ADAMTS16: variants seen among roughly 807,000 people sequenced by gnomAD.
ADAMTS16 encodes the protein ADAM metallopeptidase with thrombospondin type 1 motif 16.
In ADAMTS16, 94 loss-of-function variants were observed where a neutral mutation model predicts 145.8. That is an observed-to-expected ratio of 0.64 (90% CI 0.55 to 0.77). The LOEUF is 0.77. Ranked by LOEUF, ADAMTS16 falls within the 30% of genes least tolerant of loss-of-function variation. ADAMTS16 has a pLI of 0.00. For synonymous variants in ADAMTS16, 659 were observed against 604.3 expected (o/e 1.09, Z -1.33); for missense variants, 1,585 against 1,591.5 (o/e 1.00, Z 0.07).
Position 5,303,668 on chromosome 5 carries a change from T to A in ADAMTS16, c.3088T>A (p.Cys1030Ser). 6.2e-7 allele frequency: 1 copy of A among 1,613,926 alleles called. No homozygotes were observed. Among genetic ancestry groups the A allele is most frequent in the Non-Finnish European group, 8.5e-7 (1 of 1,180,030 alleles). The change falls in exon 20 of 23, where the codon TGC becomes AGC. Residue 1030 changes from cysteine to serine, a missense_variant. Cys to Ser is a moderately radical substitution (Grantham distance 112). Transcript: ENST00000274181. ...AGCGCAGCTGCTGCCCGACGCTGTC[T>A]GCACCTCCGAGCCCAAGCCCAGGAT... ...ARAQLLPDAVCTSEPKPRMHE... is the reference protein window; with the variant it reads ...ARAQLLPDAVSTSEPKPRMHE...
At chr5:5,229,139 A>T (rs906435440) in intron 11 of ADAMTS16, among the ~76,000 whole-genome samples, 3 of 151,772 alleles carry the variant, frequency 2.0e-5, no homozygotes, top group Middle Eastern at 3.4e-3. Context: ...TCTACTAAAA[A>T]TACAAAAAAT....
chr5:5,209,118 G>T lies in ADAMTS16; in HGVS notation c.1477G>T (p.Asp493Tyr), dbSNP rs538672467. Residue 493 changes from aspartate (D) to tyrosine (Y), a missense_variant, in exon 10 of 23, where the codon GAT (aspartate) becomes TAT (tyrosine). This residue lies in a region of ADAMTS16 where 298 missense variants were observed against 367.6 expected (regional missense o/e 0.81). Coordinates refer to ENST00000274181, the MANE Select transcript of ADAMTS16 (RefSeq NM_139056.4). ...LSTAQAICLA[D>Y]QPKPVKEYKY... The stretch of plus-strand genomic sequence containing the variant: ...CACCGCTCAAGCTATCTGCCTTGCT[G>T]ATCAGCCAAAGCCTGTGAAGGAATA... 6.2e-7 allele frequency: 1 copy of T among 1,613,744 alleles called. No individual in the cohort carries two copies. The highest frequency in any genetic ancestry group is 2.2e-5 in the East Asian group (1 of 44,866).
chr5:5,212,201 TTTGTTTTG>T (rs1736290954), intron 10 of ADAMTS16, among the ~76,000 whole-genome samples: 3 of 131,834 alleles, frequency 2.3e-5, no homozygotes, highest in East Asian at 3.1e-4. Context: ...TTTTTTTTGT[TTTGTTTTG>T]TTTTGTTTTT....
chr5:5,292,675 G>T (rs1164904170), intron 18 of ADAMTS16, among the ~76,000 whole-genome samples: 1 of 151,982 alleles, frequency 6.6e-6, no homozygotes, highest in Non-Finnish European at 1.5e-5. Flanking sequence ...ACCTGCCACT[G>T]CCTCCTCCAG....
chr5:5,269,163 C>T lies in ADAMTS16; in HGVS notation c.2789+6380C>T, dbSNP rs1048396997. Among the ~76,000 whole-genome samples the T allele has an allele frequency of 3.3e-5, 5 of 152,094 alleles. No individual in the cohort carries two copies. The highest frequency in any genetic ancestry group is 7.2e-5 in the African/African-American group (3 of 41,424). On this transcript the variant is annotated intron_variant, in intron 18 of 22. Transcript: ENST00000274181. This position sits in a 1 kb window ranked among gnomAD's most constrained non-coding sequence, Gnocchi z 4.3. Reference sequence around the variant, plus strand: ...CCTTCTGTCTCACTGCATGGCTGATCGTCCCACCGCTCACTGCCCAGGACC... The same window carrying T: ...CCTTCTGTCTCACTGCATGGCTGATTGTCCCACCGCTCACTGCCCAGGACC...
chr5:5,275,580 G>A (rs183780962), intron 18 of ADAMTS16, among the ~76,000 whole-genome samples: 84 of 152,068 alleles, frequency 5.5e-4, no homozygotes, highest in Admixed American at 5.1e-3. Context: ...CTTTACAATT[G>A]ACTTTAAAAT....
At chr5:5,167,443 G>C (rs1177076412) in intron 3 of ADAMTS16, among the ~76,000 whole-genome samples, 1 of 152,158 alleles carries the variant, frequency 6.6e-6, no homozygotes, top group Admixed American at 6.6e-5. Flanking sequence ...ATTTCTCTTT[G>C]TGTCTTTGGA....
At chr5:5,238,945 G>A (rs566021848) in intron 14 of ADAMTS16, among the ~76,000 whole-genome samples, 8 of 152,254 alleles carry the variant, frequency 5.3e-5, no homozygotes, top group African/African-American at 7.2e-5. Context: ...TACGGTTCAC[G>A]GTTTAAAAGC....
At position 5,310,251 on chromosome 5, in the gene ADAMTS16, G is replaced by A. The variant is rs1740366744; in HGVS notation, c.3411+3523G>A. 6.6e-6 allele frequency among the ~76,000 whole-genome samples: 1 copy of A among 151,930 alleles called. No individual in the cohort carries two copies. Among genetic ancestry groups the A allele is most frequent in the African/African-American group, 2.4e-5 (1 of 41,362 alleles). On this transcript the variant is annotated intron_variant, in intron 21 of 22. Transcript: ENST00000274181. The surrounding 1 kb of genome is among the most constrained non-coding windows in gnomAD (Gnocchi z 4.3). Reference sequence around the variant, plus strand: ...ATGTCCACCATCCTCCAGCTCGTAGGACCCCACCCACACTGCGCAGCCCAT... The same window carrying A: ...ATGTCCACCATCCTCCAGCTCGTAGAACCCCACCCACACTGCGCAGCCCAT...
At chr5:5,221,033 G>A (rs891731840) in intron 10 of ADAMTS16, among the ~76,000 whole-genome samples, 1 of 152,004 alleles carries the variant, frequency 6.6e-6, no homozygotes, top group Admixed American at 6.6e-5. Flanking sequence ...GCCGCCCAGG[G>A]GCTGCTCAAT....
chr5:5,202,818 G>C (rs1358675768), intron 9 of ADAMTS16, among the ~76,000 whole-genome samples: 1 of 152,128 alleles, frequency 6.6e-6, no homozygotes, highest in Non-Finnish European at 1.5e-5. Flanking sequence ...GAACACCCAA[G>C]TTATTAAAGT....
chr5:5,273,448 A>C (rs548238414), intron 18 of ADAMTS16, among the ~76,000 whole-genome samples: 23 of 152,348 alleles, frequency 1.5e-4, no homozygotes, highest in African/African-American at 5.3e-4. Context: ...ACTTGAGCCC[A>C]GGAGGCAGAG....
intron 18 of ADAMTS16, among the ~76,000 whole-genome samples, chr5:5,302,406 A>G (rs1310147643): frequency 6.6e-6 from 1 of 152,224 alleles, no homozygotes; most frequent in Non-Finnish European, 1.5e-5. Flanking sequence ...TTACGCAATA[A>G]TCATACGAGA....
rs1734215231 is a variant in ADAMTS16, at chr5:5,319,823, C to G, written c.*685C>G. The G allele has an allele frequency of 2.2e-6, 1 of 452,960 alleles. No individual in the cohort carries two copies. The highest frequency in any genetic ancestry group is 4.4e-6 in the Non-Finnish European group (1 of 226,130). 28.1% of individuals were successfully genotyped at this position (452,960 alleles called of 1,614,324 possible). A position where few individuals can be genotyped will look rare whatever the true frequency, so the allele number is the denominator to read the frequency against. On this transcript the variant is annotated 3_prime_UTR_variant, in exon 23 of 23. Transcript: ENST00000274181. Reference sequence around the variant, plus strand: ...GAAATTCCTGCTAAGGTGCTTCTATCTCTTTCAGATTCATGCATTGAAGGA... The same window carrying G: ...GAAATTCCTGCTAAGGTGCTTCTATGTCTTTCAGATTCATGCATTGAAGGA...
intron 21 of ADAMTS16, among the ~76,000 whole-genome samples, chr5:5,313,950 A>G (rs1740563674): frequency 6.6e-6 from 1 of 152,246 alleles, no homozygotes; most frequent in African/African-American, 2.4e-5. Flanking sequence ...TGGTGCCCAG[A>G]AAAACAAGAA....
At chr5:5,181,908 T>C in intron 3 of ADAMTS16, 136 bp from the exon 4 acceptor site, 1 of 1,025,640 alleles carries the variant, frequency 9.8e-7, no homozygotes, top group Non-Finnish European at 1.4e-6. Context: ...TTTTGAACCT[T>C]TCCAATGTTC....
At chr5:5,227,362 A>G (rs1434794236) in intron 11 of ADAMTS16, among the ~76,000 whole-genome samples, 1 of 152,246 alleles carries the variant, frequency 6.6e-6, no homozygotes, top group Admixed American at 6.5e-5. Flanking sequence ...ATCTGTCAAT[A>G]AAATACAAAA....
chr5:5,306,690 C>A lies in ADAMTS16; in HGVS notation c.3373C>A (p.Pro1125Thr). 1 of 1,613,464 alleles carries A rather than the reference C, an allele frequency of 6.2e-7. No individual in the cohort carries two copies. The highest frequency in any genetic ancestry group is 2.2e-5 in the East Asian group (1 of 44,858). ...GCACCCCCCATTTGCTGCTGCGGGA[C>A]CCTCGAGGGGCAGCTGGTTTGCCTC... ...PRHPPFAAAG[P>T]SRGSWFASPW... is the part of the protein sequence containing the mutation. Residue 1125 changes from proline to threonine, a missense_variant, in exon 21 of 23, where the codon CCC becomes ACC. Physicochemically the swap from Pro to Thr is conservative, Grantham distance 38. This residue lies in a region of ADAMTS16 where 834 missense variants were observed against 811.7 expected (regional missense o/e 1.03). Coordinates refer to ENST00000274181, the MANE Select transcript of ADAMTS16 (RefSeq NM_139056.4).
rs184181279 is a variant in ADAMTS16, at chr5:5,304,132, C to T, written c.3186+366C>T. Among the ~76,000 whole-genome samples the T allele has an allele frequency of 1.9e-3, 286 of 152,282 alleles. 1 individual carries two copies. Among genetic ancestry groups the T allele is most frequent in the Non-Finnish European group, 3.0e-3 (201 of 68,032 alleles). On this transcript the variant is annotated intron_variant, in intron 20 of 22. Coordinates refer to ENST00000274181, the MANE Select transcript of ADAMTS16 (RefSeq NM_139056.4). ...AGGTGTAGCCACATTCCAGGAAATG[C>T]GCGGCTCCTGAAGAGCAGGAAGAAC...
Sources: gnomAD v4.1 joint callset for allele counts (sites outside exome capture counted in the v4.1 genomes callset) on GRCh38, gnomAD v4.1.1 for gene constraint, gnomAD v4.1.1 regional missense constraint, Gnocchi (gnomAD v3.1) non-coding constraint, MANE v1.5 for transcripts, NCBI Gene and HGNC (gene_info 2026-07-23, HGNC 2026-07-21) for gene names.